Variants in LRMDA observed in about 807,000 individuals in gnomAD.
The protein encoded by LRMDA is leucine-rich melanocyte differentiation-associated protein.
A neutral mutation model predicts 29.8 loss-of-function variants in LRMDA; 18 were observed. That is an observed-to-expected ratio of 0.60 (90% CI 0.42 to 0.90). LRMDA has a LOEUF of 0.90. LRMDA is among the 40% of genes least tolerant of loss of function. The pLI is 0.00. For missense variants in LRMDA, 273 were observed against 273.9 expected, an observed-to-expected ratio of 1.00 and a Z score of 0.02; for synonymous variants, 125 against 109.4, an observed-to-expected ratio of 1.14 and a Z score of -0.89.
At chr10:76,224,130 T>G (rs1369508155) in intron 5 of LRMDA, among the ~76,000 whole-genome samples, 3 of 151,816 alleles carry the variant, frequency 2.0e-5, no homozygotes, top group African/African-American at 7.3e-5. Flanking sequence ...TTCTAAAAAT[T>G]TATATGACTC....
intron 2 of LRMDA, among the ~76,000 whole-genome samples, chr10:75,498,093 A>AGGCATT (rs1411527347): frequency 6.6e-6 from 1 of 152,114 alleles, no homozygotes; most frequent in Non-Finnish European, 1.5e-5. Context: ...TTTTCATTGT[A>AGGCATT]GGCATTCTGT....
chr10:76,148,420 G>A (rs1021962131), intron 5 of LRMDA, among the ~76,000 whole-genome samples: 9 of 152,102 alleles, frequency 5.9e-5, no homozygotes, highest in Non-Finnish European at 7.4e-5. Flanking sequence ...CCTCGCTGCC[G>A]CCTTGCAGTT....
At chr10:76,190,161 C>T (rs947909460) in intron 5 of LRMDA, among the ~76,000 whole-genome samples, 4 of 151,982 alleles carry the variant, frequency 2.6e-5, no homozygotes, top group South Asian at 4.2e-4. Flanking sequence ...TCTCTTTCCT[C>T]GGCACAAATG....
At chr10:75,976,710 A>G (rs780801326) in intron 2 of LRMDA, among the ~76,000 whole-genome samples, 1 of 152,172 alleles carries the variant, frequency 6.6e-6, no homozygotes, top group Non-Finnish European at 1.5e-5. Flanking sequence ...CAGGATGTGG[A>G]TATTATTATT....
intron 5 of LRMDA, among the ~76,000 whole-genome samples, chr10:76,204,254 C>T (rs577409044): frequency 1.5e-4 from 22 of 149,368 alleles, no homozygotes; most frequent in African/African-American, 5.4e-4. Context: ...CATCTCTATT[C>T]CATGTGCCCA....
chr10:76,188,902 T>G (rs1342093884), intron 5 of LRMDA, among the ~76,000 whole-genome samples: 1 of 151,506 alleles, frequency 6.6e-6, no homozygotes, highest in African/African-American at 2.4e-5. Context: ...CAGTCATTTT[T>G]TTTCACAATG....
intron 2 of LRMDA, among the ~76,000 whole-genome samples, chr10:75,461,270 T>A (rs1053362884): frequency 3.9e-5 from 6 of 152,194 alleles, no homozygotes; most frequent in African/African-American, 1.4e-4. Context: ...GGAAGCAACT[T>A]AGCAAGGCCT....
chr10:76,008,203 T>C (rs1023135578), intron 2 of LRMDA, among the ~76,000 whole-genome samples: 14 of 152,120 alleles, frequency 9.2e-5, no homozygotes, highest in African/African-American at 2.9e-4. Context: ...CAATAGACTG[T>C]CAAAATGGTT....
At chr10:75,799,610 G>T (rs1039224959) in intron 2 of LRMDA, among the ~76,000 whole-genome samples, 2 of 151,432 alleles carry the variant, frequency 1.3e-5, no homozygotes, top group African/African-American at 2.4e-5. Flanking sequence ...CGCCTCCCGG[G>T]TTCAAGTGAT....
rs192961763 is a variant in LRMDA, at chr10:76,298,201, G to A, written c.517-26200G>A. ...AGAACTGGTAAATCATTAAAAATGC[G>A]CCTTGATGCTATGCCTGCTGAGTAA... is the stretch of plus-strand genomic sequence containing the variant. On this transcript the variant is annotated intron_variant, in intron 5 of 6. Transcript: ENST00000611255. Among the ~76,000 whole-genome samples, 208 of 152,278 alleles carry A rather than the reference G, an allele frequency of 1.4e-3. 1 individual carries two copies. Among genetic ancestry groups the A allele is most frequent in the South Asian group, 4.6e-3 (22 of 4,830 alleles).
At chr10:75,893,990 T>A (rs940278487) in intron 2 of LRMDA, among the ~76,000 whole-genome samples, 1 of 152,142 alleles carries the variant, frequency 6.6e-6, no homozygotes, top group Non-Finnish European at 1.5e-5. Context: ...TCTTTGTTTT[T>A]TTCTTTTTAG....
At chr10:76,318,797 A>G (rs927491223) in intron 5 of LRMDA, 6 of 152,218 alleles carry the variant, frequency 3.9e-5, no homozygotes, top group African/African-American at 7.2e-5. Flanking sequence ...TCAGCCTTCT[A>G]CCTGGTTCTT....
At chr10:76,466,673 G>T (rs1183561830) in intron 6 of LRMDA, among the ~76,000 whole-genome samples, 1 of 152,120 alleles carries the variant, frequency 6.6e-6, no homozygotes, top group African/African-American at 2.4e-5. Flanking sequence ...GTGTGTGCCT[G>T]TAGTCCCAGC....
At chr10:75,787,729 A>G (rs1843496614) in intron 2 of LRMDA, among the ~76,000 whole-genome samples, 1 of 152,202 alleles carries the variant, frequency 6.6e-6, no homozygotes, top group East Asian at 1.9e-4. Flanking sequence ...AGTAGTGTGT[A>G]ATAGAAAACC....
chr10:75,736,535 G>A (rs1842764974), intron 2 of LRMDA, among the ~76,000 whole-genome samples: 2 of 152,182 alleles, frequency 1.3e-5, no homozygotes, highest in South Asian at 4.1e-4. Context: ...ATTGGAGAAT[G>A]GGTACAATTT....
intron 2 of LRMDA, among the ~76,000 whole-genome samples, chr10:75,683,257 C>T (rs537716502): frequency 6.6e-6 from 1 of 152,150 alleles, no homozygotes; most frequent in African/African-American, 2.4e-5. Flanking sequence ...CCTAGGCTCT[C>T]ATGGTAGGAT....
At chr10:75,709,079 G>A (rs4523642) in intron 2 of LRMDA, among the ~76,000 whole-genome samples, 3 of 152,006 alleles carry the variant, frequency 2.0e-5, no homozygotes, top group African/African-American at 7.2e-5. Flanking sequence ...GGATTCCCTC[G>A]CCCCACTCTC....
chr10:76,085,680 T>C (rs763795151), intron 5 of LRMDA, among the ~76,000 whole-genome samples: 3 of 152,172 alleles, frequency 2.0e-5, no homozygotes, highest in Non-Finnish European at 4.4e-5. Flanking sequence ...CAGAATGCTG[T>C]GGGATGTTGG....
At chr10:76,080,385 A>C (rs1849030288) in intron 5 of LRMDA, among the ~76,000 whole-genome samples, 1 of 152,184 alleles carries the variant, frequency 6.6e-6, no homozygotes, top group African/African-American at 2.4e-5. Context: ...ATGGTCCTAT[A>C]TTATCCCTTA....
Sources: gnomAD v4.1 joint callset for allele counts (sites outside exome capture counted in the v4.1 genomes callset) on GRCh38, gnomAD v4.1.1 for gene constraint, MANE v1.5 for transcripts, NCBI Gene and HGNC (gene_info 2026-07-23, HGNC 2026-07-21) for gene names.